SDCBP2: variants seen among roughly 807,000 people sequenced by gnomAD.
The protein encoded by SDCBP2 is syndecan binding protein 2.
SDCBP2 carries 28 observed loss-of-function variants against 30.7 expected under a neutral mutation model. That is an observed-to-expected ratio of 0.91 (90% CI 0.68 to 1.25). The LOEUF (loss-of-function observed/expected upper bound fraction) is 1.25. Ranked by LOEUF, SDCBP2 falls within the 50% of genes most tolerant of loss-of-function variation. The probability of loss-of-function intolerance (pLI) is 0.00; values close to 1 mark genes in which losing one functional copy is unlikely to be tolerated. For missense variants in SDCBP2, 399 were observed against 379.0 expected (o/e 1.05, Z -0.44); for synonymous variants, 166 against 157.3 (o/e 1.06, Z -0.41).
At chr20:1,315,981 T>C (rs1208735141) in intron 4 of SDCBP2, among the ~76,000 whole-genome samples, 3 of 152,194 alleles carry the variant, frequency 2.0e-5, no homozygotes, top group African/African-American at 7.2e-5. Context: ...TGTGCACCTG[T>C]GGTCCCAGCT....
In SDCBP2 at chr20:1,313,697, C is replaced by A; in HGVS notation, c.226-199G>T. ...CCACTAGGGGGCGTCAAAGTCCATGCCCTTAAAAAGCCAGGAAAACGGGGA... is the reference window on the plus strand; with the variant it reads ...CCACTAGGGGGCGTCAAAGTCCATGACCTTAAAAAGCCAGGAAAACGGGGA... On this transcript the variant is annotated intron_variant, in intron 4 of 8. Transcript: ENST00000360779. This position sits in a 1 kb window ranked among gnomAD's most constrained non-coding sequence, Gnocchi z 5.2. 7.4e-7 allele frequency: 1 copy of A among 1,342,678 alleles called. No homozygotes were observed. Among genetic ancestry groups the A allele is most frequent in the Non-Finnish European group, 9.6e-7 (1 of 1,046,902 alleles). 83.2% of individuals were successfully genotyped at this position (1,342,678 alleles called of 1,614,324 possible). A position where few individuals can be genotyped will look rare whatever the true frequency, so the allele number is the denominator to read the frequency against.
rs779448763 is a variant in SDCBP2 at position 1,310,976 on chromosome 20, G to T, written c.733-85C>A. On this transcript the variant is annotated intron_variant, in intron 7 of 8. Coordinates refer to ENST00000360779, the MANE Select transcript of SDCBP2 (RefSeq NM_080489.5). Reference sequence around the variant, plus strand: ...GGCCCCTCTGTGGAGGGATCAGCATGGCCACTGCTAGAGGACACCACTGAT... The same window carrying T: ...GGCCCCTCTGTGGAGGGATCAGCATTGCCACTGCTAGAGGACACCACTGAT... 4.3e-5 allele frequency: 42 copies of T among 971,778 alleles called. No homozygotes were observed. In the Admixed American group the frequency reaches 9.2e-4, roughly 21 times the overall value. 60.2% of individuals were successfully genotyped at this position (971,778 alleles called of 1,614,324 possible).
At chr20:1,319,276 G>A (rs2088820941) in intron 3 of SDCBP2, among the ~76,000 whole-genome samples, 1 of 152,214 alleles carries the variant, frequency 6.6e-6, no homozygotes, top group South Asian at 2.1e-4. Context: ...CCTCAAGGCA[G>A]CCTTGCTGGG....
In SDCBP2 at chr20:1,324,362, C is replaced by G. The variant is rs539616416; in HGVS notation, c.-19-3927G>C. 3 of 152,162 alleles carry G rather than the reference C, an allele frequency of 2.0e-5. No individual in the cohort carries two copies. Among genetic ancestry groups the G allele is most frequent in the African/African-American group, 7.2e-5 (3 of 41,484 alleles). 9.4% of individuals were successfully genotyped at this position (152,162 alleles called of 1,614,324 possible). A position where few individuals can be genotyped will look rare whatever the true frequency, so the allele number is the denominator to read the frequency against. Reference sequence around the variant, plus strand: ...TTTGACTGAATAAATCAGTGGTTTTCCAAGGAACAGATTGGAAATTTATGT... The same window carrying G: ...TTTGACTGAATAAATCAGTGGTTTTGCAAGGAACAGATTGGAAATTTATGT... On this transcript the variant is annotated intron_variant, in intron 1 of 8. Coordinates refer to ENST00000360779, the MANE Select transcript of SDCBP2 (RefSeq NM_080489.5). The surrounding 1 kb of genome is among the most constrained non-coding windows in gnomAD (Gnocchi z 4.7).
intron 1 of SDCBP2, chr20:1,325,265 CA>C (rs1466394504): frequency 2.6e-5 from 4 of 152,276 alleles, no homozygotes; most frequent in African/African-American, 2.4e-5. Flanking sequence ...CCGGAAGCGA[CA>C]TCTTCCGGTT....
Position 1,320,423 on chromosome 20 carries a change from T to C in SDCBP2, c.-7A>G, listed in dbSNP as rs757761050. The C allele has an allele frequency of 2.5e-5, 40 of 1,613,536 alleles. No individual in the cohort carries two copies. Among genetic ancestry groups the C allele is most frequent in the Non-Finnish European group, 3.4e-5 (40 of 1,179,702 alleles). ...ATGGGTACAGGGATGACATGGCTGA[T>C]TCTCAGAACACCCTGCAGAGTGCAG... On this transcript the variant is annotated 5_prime_UTR_variant, in exon 2 of 9. Coordinates refer to ENST00000360779, the MANE Select transcript of SDCBP2 (RefSeq NM_080489.5). The surrounding 1 kb of genome is among the most constrained non-coding windows in gnomAD (Gnocchi z 4.7).
At position 1,313,518 on chromosome 20, in the gene SDCBP2, G is replaced by T; in HGVS notation, c.226-20C>A. The T allele has an allele frequency of 6.4e-7, 1 of 1,564,812 alleles. No individual in the cohort carries two copies. Among genetic ancestry groups the T allele is most frequent in the Non-Finnish European group, 8.6e-7 (1 of 1,159,978 alleles). On this transcript the variant is annotated intron_variant, in intron 4 of 8. Coordinates refer to ENST00000360779, the MANE Select transcript of SDCBP2 (RefSeq NM_080489.5). This position sits in a 1 kb window ranked among gnomAD's most constrained non-coding sequence, Gnocchi z 5.2. ...CGCTGTCTGCAGACACCAGGGGGCA[G>T]GGGGTCAGCCCGGCCCGTGGGGACC...
chr20:1,313,610 C>T lies in SDCBP2; in HGVS notation c.226-112G>A, dbSNP rs1041761148. On this transcript the variant is annotated intron_variant, in intron 4 of 8. Coordinates refer to ENST00000360779, the MANE Select transcript of SDCBP2 (RefSeq NM_080489.5). This position sits in a 1 kb window ranked among gnomAD's most constrained non-coding sequence, Gnocchi z 5.2. ...AAGGAGGATGGAGCCGTCCCCGGGT[C>T]CCCCCACGTCCCCAGTCCACGCTTC... The T allele has an allele frequency of 7.0e-6, 10 of 1,423,838 alleles. No individual in the cohort carries two copies. The highest frequency in any genetic ancestry group is 1.5e-5 in the African/African-American group (1 of 68,908). The allele number at this position is 1,423,838 out of a possible 1,614,324, so 88.2% of individuals were successfully genotyped here.
chr20:1,312,674 C>T lies in SDCBP2; in HGVS notation c.473G>A (p.Arg158His), dbSNP rs747790242. The T allele has an allele frequency of 9.7e-5, 157 of 1,614,084 alleles. No individual in the cohort carries two copies. The highest frequency in any genetic ancestry group is 2.6e-4 in the South Asian group (24 of 91,090). ...FGDQLLQIDG[R>H]DCAGWSSHKA... ...GTGCGAGCTCCACCCAGCACAGTCA[C>T]GCCCGTCAATCTGCAGGAGCTGGTC... Residue 158 changes from arginine (R) to histidine (H), a missense_variant, in exon 6 of 9, where the codon CGT becomes CAT. By Grantham distance (29) the Arg-to-His change is conservative. Transcript: ENST00000360779.
chr20:1,318,502 A>G, intron 3 of SDCBP2, 84 bp from the exon 4 acceptor site: 1 of 782,804 alleles, frequency 1.3e-6, no homozygotes. Context: ...GTGGCTGCTC[A>G]TTTTTATTAA....
At position 1,310,486 on chromosome 20, in the gene SDCBP2, T is replaced by C. The variant is rs760665429; in HGVS notation, c.834A>G (p.Pro278=). 3.7e-6 allele frequency: 6 copies of C among 1,613,664 alleles called. No homozygotes were observed. In the East Asian group the frequency reaches 1.1e-4, roughly 30 times the overall value. The change falls in exon 9 of 9, where the codon CCA becomes CCG. Residue 278 remains proline (P), a synonymous_variant. Transcript: ENST00000360779. ...GGTCCATGGTGTGGTGGAGCAGGAC[T>C]GGAGGCAACCTGGATACAGCAACAA... The part of the protein sequence containing the change: ...IYEHMVKKLP[P]VLLHHTMDHS...
At position 1,312,497 on chromosome 20, in the gene SDCBP2, C is replaced by T. The variant is rs35367003; in HGVS notation, c.572G>A (p.Arg191Gln). Residue 191 changes from arginine (R) to glutamine (Q), a missense_variant, in exon 7 of 9, where the codon CGG becomes CAG. Physicochemically the swap from Arg to Gln is conservative, Grantham distance 43. Transcript: ENST00000360779. ...VVVVRDRPFQRTVTMHKDSMG... is the reference protein window; with the variant it reads ...VVVVRDRPFQQTVTMHKDSMG... ...GCTGTCCTTGTGCATGGTGACAGTC[C>T]GCTGGAACGGCCTGGCAGGAGGGAC... is the stretch of plus-strand genomic sequence containing the variant. 0.019 allele frequency: 30,458 copies of T among 1,614,126 alleles called. 481 individuals are homozygous for T. Among genetic ancestry groups the T allele is most frequent in the South Asian group, 0.054 (4,902 of 91,072 alleles).
intron 7 of SDCBP2, among the ~76,000 whole-genome samples, chr20:1,311,239 A>T (rs2088662993): frequency 6.6e-6 from 1 of 152,116 alleles, no homozygotes; most frequent in South Asian, 2.1e-4. Context: ...CCAGAGACTC[A>T]CCAAGCCCAC....
Position 1,313,435 on chromosome 20 carries a change from C to T in SDCBP2, c.289G>A (p.Val97Met), listed in dbSNP as rs1436900917. The change falls in exon 5 of 9, where the codon GTG becomes ATG. Residue 97 changes from valine to methionine, a missense_variant. By Grantham distance (21) the Val-to-Met change is conservative. Transcript: ENST00000360779. This position sits in a 1 kb window ranked among gnomAD's most constrained non-coding sequence, Gnocchi z 5.2. ...CCGGGCTTGATCTCAGCTCGCCGCA[C>T]GCCCAGGCTGTACCCGGTTACCGGT... ...VAPVTGYSLG[V>M]RRAEIKPGVR... The T allele has an allele frequency of 2.5e-6, 4 of 1,602,962 alleles. No individual in the cohort carries two copies. The highest frequency in any genetic ancestry group is 1.7e-4 in the Middle Eastern group (1 of 6,002).
chr20:1,322,619 T>A (rs1481322034), intron 1 of SDCBP2: 1 of 152,234 alleles, frequency 6.6e-6, no homozygotes, highest in African/African-American at 2.4e-5. Flanking sequence ...TTGCCAAAGC[T>A]GGAGTACAGT....
chr20:1,318,118 A>G (rs1295014457), intron 4 of SDCBP2, 200 bp downstream of exon 4: 13 of 612,738 alleles, frequency 2.1e-5, no homozygotes, highest in African/African-American at 3.6e-5. Flanking sequence ...TTGTGGGAAG[A>G]TCTGAAACCA....
chr20:1,320,586 CT>C lies in SDCBP2; in HGVS notation c.-19-152del, dbSNP rs374448511. ...TAGAATGCCTCCCCGAACTCCACCC[CT>C]AATCCCCTGTCGATATTTGAACTCT... On this transcript the variant is annotated intron_variant, in intron 1 of 8. Coordinates refer to ENST00000360779, the MANE Select transcript of SDCBP2 (RefSeq NM_080489.5). The surrounding 1 kb of genome is among the most constrained non-coding windows in gnomAD (Gnocchi z 4.7). 195 of 588,530 alleles carry C rather than the reference CT, an allele frequency of 3.3e-4. 3 individuals are homozygous for C. In the South Asian group the frequency reaches 3.9e-3, roughly 12 times the overall value. The allele number at this position is 588,530 out of a possible 1,614,324, so 36.5% of individuals were successfully genotyped here. A position where few individuals can be genotyped will look rare whatever the true frequency, so the allele number is the denominator to read the frequency against.
Position 1,310,414 on chromosome 20 carries a change from C to T in SDCBP2, c.*27G>A, listed in dbSNP as rs767733915. 6.2e-7 allele frequency: 1 copy of T among 1,611,284 alleles called. No homozygotes were observed. The highest frequency in any genetic ancestry group is 1.7e-5 in the Admixed American group (1 of 59,920). On this transcript the variant is annotated 3_prime_UTR_variant, in exon 9 of 9. Coordinates refer to ENST00000360779, the MANE Select transcript of SDCBP2 (RefSeq NM_080489.5). ...TTGCTGCAGGAGGGCGGGAAGCCCC[C>T]CCTGCCTGCCCTGCCCTGCAGTGGC...
rs987301335 is a variant in SDCBP2, at chr20:1,310,197, T to C, written c.*244A>G. 41 of 431,232 alleles carry C rather than the reference T, an allele frequency of 9.5e-5. No homozygotes were observed. Among genetic ancestry groups the C allele is most frequent in the Non-Finnish European group, 1.4e-4 (35 of 241,732 alleles). 26.7% of individuals were successfully genotyped at this position (431,232 alleles called of 1,614,324 possible). ...ACAGCCTGCCTCCGTGTCCAGCATT[T>C]AAATCAGCACAAGAGAATCGGCTGC... On this transcript the variant is annotated 3_prime_UTR_variant, in exon 9 of 9. Transcript: ENST00000360779.
Sources: gnomAD v4.1 joint callset for allele counts (sites outside exome capture counted in the v4.1 genomes callset) on GRCh38, gnomAD v4.1.1 for gene constraint, Gnocchi (gnomAD v3.1) non-coding constraint, MANE v1.5 for transcripts, NCBI Gene and HGNC (gene_info 2026-07-23, HGNC 2026-07-21) for gene names.